Variants in ST14 observed in about 807,000 individuals in gnomAD.
ST14 encodes the protein ST14 transmembrane serine protease matriptase, also known as suppressor of tumorigenicity 14 protein.
ST14 carries 40 observed loss-of-function variants against 96.5 expected under a neutral mutation model. The observed-to-expected ratio is 0.41, with a 90% CI of 0.32 to 0.54. The LOEUF (loss-of-function observed/expected upper bound fraction) is 0.54, where lower values mean the gene tolerates loss of function less well. Among genes scored for constraint, ST14 ranks in the 20% least tolerant of loss-of-function variants. The pLI, the probability that ST14 is intolerant of heterozygous loss-of-function variation, is 0.17. For missense variants in ST14, 1,066 were observed against 1,188.9 expected (o/e 0.90, Z 1.52); for synonymous variants, 506 against 492.1 (o/e 1.03, Z -0.37).
chr11:130,185,886 CA>C, intron 1 of ST14, among the ~76,000 whole-genome samples: 1 of 152,264 alleles, frequency 6.6e-6, no homozygotes, highest in South Asian at 2.1e-4. Flanking sequence ...CAGCTCACTG[CA>C]ACCTCTGCCT....
chr11:130,183,108 G>A (rs1476232035), intron 1 of ST14, among the ~76,000 whole-genome samples: 1 of 151,332 alleles, frequency 6.6e-6, no homozygotes, highest in Non-Finnish European at 1.5e-5. Flanking sequence ...AGGCGTCCAC[G>A]ACCACGCCTG....
At chr11:130,201,162 G>C (rs1423921342) in intron 16 of ST14, among the ~76,000 whole-genome samples, 2 of 152,240 alleles carry the variant, frequency 1.3e-5, no homozygotes, top group Non-Finnish European at 2.9e-5. Context: ...GGGTCACATG[G>C]GCATCCCAGG....
intron 7 of ST14, among the ~76,000 whole-genome samples, chr11:130,192,409 G>A (rs1486973667): frequency 6.6e-6 from 1 of 152,206 alleles, no homozygotes; most frequent in African/African-American, 2.4e-5. Context: ...TTTTCTTTGA[G>A]ATGGAATCTC....
At chr11:130,189,539 C>T in intron 4 of ST14, 200 bp from the exon 5 acceptor site, 1 of 653,262 alleles carries the variant, frequency 1.5e-6, no homozygotes, top group South Asian at 1.9e-5. Context: ...GGGGATGAGA[C>T]TGTGAGAGCA....
At chr11:130,179,931 G>C (rs115212392) in intron 1 of ST14, among the ~76,000 whole-genome samples, 1 of 152,138 alleles carries the variant, frequency 6.6e-6, no homozygotes, top group Non-Finnish European at 1.5e-5. Context: ...AGGCATCTTC[G>C]ACCTGCCACA....
intron 6 of ST14, 30 bp downstream of exon 6, chr11:130,190,178 G>A (rs946047789): frequency 1.9e-6 from 3 of 1,614,028 alleles, no homozygotes; most frequent in Non-Finnish European, 1.7e-6. Context: ...CCTCTTCTGG[G>A]TGGGGAAGAG....
intron 1 of ST14, among the ~76,000 whole-genome samples, chr11:130,164,928 G>A (rs998166877): frequency 4.6e-5 from 7 of 151,682 alleles, no homozygotes; most frequent in African/African-American, 1.7e-4. Context: ...GTAGAGATGG[G>A]GTTTCTCCAT....
chr11:130,190,263 C>T lies in ST14; in HGVS notation c.634+115C>T, dbSNP rs111902730. Reference sequence around the variant, plus strand: ...TCCCTCTGAATGAAGTATATTATGACGATCTTTCCAGGCCCTTCCTCTTCC... The same window carrying T: ...TCCCTCTGAATGAAGTATATTATGATGATCTTTCCAGGCCCTTCCTCTTCC... On this transcript the variant is annotated intron_variant, in intron 6 of 18. Transcript: ENST00000278742. 236 of 1,507,826 alleles carry T rather than the reference C, an allele frequency of 1.6e-4. 1 individual carries two copies. Among genetic ancestry groups the T allele is most frequent in the African/African-American group, 4.0e-4 (29 of 72,670 alleles). The allele number at this position is 1,507,826 out of a possible 1,614,324, so 93.4% of individuals were successfully genotyped here.
chr11:130,162,744 A>C (rs1054655322), intron 1 of ST14, among the ~76,000 whole-genome samples: 1 of 152,212 alleles, frequency 6.6e-6, no homozygotes, highest in African/African-American at 2.4e-5. Flanking sequence ...TGTGGGGTAC[A>C]GGGAACTGAA....
At chr11:130,209,223 T>C (rs1478233101) in intron 17 of ST14, among the ~76,000 whole-genome samples, 1 of 152,080 alleles carries the variant, frequency 6.6e-6, no homozygotes, top group African/African-American at 2.4e-5. Context: ...ACGGCGTCTG[T>C]TCCCTCTCAA....
chr11:130,202,252 T>A (rs1953436607), intron 16 of ST14, among the ~76,000 whole-genome samples: 1 of 152,222 alleles, frequency 6.6e-6, no homozygotes, highest in African/African-American at 2.4e-5. Flanking sequence ...TGATCATCAG[T>A]CATGCTTCTG....
At chr11:130,175,402 G>A (rs1953127104) in intron 1 of ST14, among the ~76,000 whole-genome samples, 1 of 151,420 alleles carries the variant, frequency 6.6e-6, no homozygotes, top group African/African-American at 2.4e-5. Flanking sequence ...TTTTTGAGAT[G>A]GAGTTTTGTT....
intron 7 of ST14, among the ~76,000 whole-genome samples, chr11:130,192,224 C>T (rs639962): frequency 0.84 from 127,666 of 152,128 alleles, 53,664 homozygotes; most frequent in East Asian, 0.95. Flanking sequence ...CCAAGAACAA[C>T]CTAGAACCAT....
intron 16 of ST14, among the ~76,000 whole-genome samples, chr11:130,200,383 A>G (rs1275645608): frequency 2.6e-5 from 4 of 152,198 alleles, no homozygotes; most frequent in Admixed American, 2.0e-4. Context: ...TGAGGGCCTC[A>G]GGGAGCTTCC....
intron 4 of ST14, 180 bp from the exon 5 acceptor site, chr11:130,189,559 G>T: frequency 1.3e-6 from 1 of 754,500 alleles, no homozygotes; most frequent in Non-Finnish European, 2.1e-6. Flanking sequence ...AGAGGGCAAA[G>T]GGCAAGGCCT....
In ST14 at chr11:130,189,824, GAGCGCGTAGTC is replaced by G. The variant is rs1953276274; in HGVS notation, c.528_538del (p.Glu176AspfsTer56). On this transcript the variant is annotated frameshift_variant, in exon 5 of 19. Transcript: ENST00000278742. LOFTEE classifies it high-confidence loss of function. ...GGAGGCCGAGCGCGTCATGGCCGAG[GAGCGCGTAGTC>G]ATGCTGCCCCCGCGGGCGCGCTCCC... 6.2e-7 allele frequency: 1 copy of G among 1,613,804 alleles called. No individual in the cohort carries two copies. The highest frequency in any genetic ancestry group is 8.5e-7 in the Non-Finnish European group (1 of 1,179,956).
At chr11:130,203,278 T>C (rs1233118721) in intron 16 of ST14, among the ~76,000 whole-genome samples, 1 of 152,162 alleles carries the variant, frequency 6.6e-6, no homozygotes, top group African/African-American at 2.4e-5. Context: ...CCCCGTCCCA[T>C]GAGACCCTTT....
At chr11:130,162,197 G>A (rs1000860705) in intron 1 of ST14, among the ~76,000 whole-genome samples, 1 of 152,192 alleles carries the variant, frequency 6.6e-6, no homozygotes, top group African/African-American at 2.4e-5. Flanking sequence ...CCCTTCCCAA[G>A]GCTGGTGGTG....
intron 9 of ST14, among the ~76,000 whole-genome samples, chr11:130,195,307 G>C (rs1242064247): frequency 6.6e-6 from 1 of 152,012 alleles, no homozygotes; most frequent in Non-Finnish European, 1.5e-5. Context: ...GGCCCAGGGT[G>C]GGGTCAGGTC....
Sources: allele counts gnomAD v4.1 joint callset (sites outside exome capture counted in the v4.1 genomes callset), GRCh38; gene constraint gnomAD v4.1.1; transcripts MANE v1.5; gene names NCBI Gene and HGNC (gene_info 2026-07-23, HGNC 2026-07-21).